The following VPS13A variants were observed in gnomAD, a reference collection of about 807,000 sequenced individuals.
The protein encoded by VPS13A is intermembrane lipid transfer protein VPS13A.
Under a neutral mutation model 390.9 loss-of-function variants are expected in VPS13A, and 264 were observed. The observed-to-expected ratio is 0.68, with a 90% CI of 0.61 to 0.75. VPS13A has a LOEUF of 0.75. Ranked by LOEUF, VPS13A falls within the 30% of genes least tolerant of loss-of-function variation. VPS13A has a pLI of 0.00. For missense variants in VPS13A, 3,409 were observed against 3,733.9 expected (o/e 0.91, Z 2.27); for synonymous variants, 1,231 against 1,227.1 (o/e 1.00, Z -0.07).
intron 27 of VPS13A, 36 bp downstream of exon 27, chr9:77,280,274 A>T (rs758777233): frequency 6.6e-7 from 1 of 1,504,662 alleles, no homozygotes; most frequent in Admixed American, 1.7e-5. Context: ...TAATATGGTA[A>T]GTATGCTGCT....
intron 46 of VPS13A, among the ~76,000 whole-genome samples, chr9:77,335,791 G>A (rs879804045): frequency 6.6e-6 from 1 of 152,202 alleles, no homozygotes; most frequent in East Asian, 1.9e-4. Flanking sequence ...GGAAGACAAT[G>A]TGGTGATTCC....
At chr9:77,339,390 C>T in intron 47 of VPS13A, 126 bp from the exon 48 acceptor site, 1 of 872,012 alleles carries the variant, frequency 1.1e-6, no homozygotes, top group Non-Finnish European at 1.7e-6. Flanking sequence ...TGTAAGTCTT[C>T]TGACTTGTTC....
In VPS13A at chr9:77,418,060, GAGTC is replaced by G. The variant is rs1835224121; in HGVS notation, c.*2058_*2061del. The G allele has an allele frequency of 3.3e-5, 5 of 152,308 alleles. No homozygotes were observed. The South Asian group carries it at 1.0e-3, about 32-fold the overall frequency. 9.4% of individuals were successfully genotyped at this position (152,308 alleles called of 1,614,324 possible). On this transcript the variant is annotated 3_prime_UTR_variant, in exon 72 of 72. Coordinates refer to ENST00000360280, the MANE Select transcript of VPS13A (RefSeq NM_033305.3). ...AGAAATCAGTAGATCACTAGATAAT[GAGTC>G]AGTGTTTTTAGCATCACATTTTACA...
At chr9:77,360,396 G>A in intron 58 of VPS13A, 140 bp from the exon 59 acceptor site, 1 of 634,508 alleles carries the variant, frequency 1.6e-6, no homozygotes, top group Non-Finnish European at 2.8e-6. Context: ...AGTGTTCCAT[G>A]ATTTTTTAAA....
At chr9:77,365,908 CTGAA>C (rs1832401458) in intron 60 of VPS13A, among the ~76,000 whole-genome samples, 1 of 152,030 alleles carries the variant, frequency 6.6e-6, no homozygotes, top group Non-Finnish European at 1.5e-5. Flanking sequence ...GAACTGAAGA[CTGAA>C]TGGTATCAAA....
At chr9:77,228,087 T>A in intron 16 of VPS13A, 35 bp from the exon 17 acceptor site, 1 of 1,437,692 alleles carries the variant, frequency 7.0e-7, no homozygotes, top group Non-Finnish European at 9.5e-7. Context: ...TATATATATA[T>A]ATGTTTTCAT....
At position 77,380,561 on chromosome 9, in the gene VPS13A, C is replaced by G. The variant is rs1473354204; in HGVS notation, c.9078-1415C>G. On this transcript the variant is annotated intron_variant, in intron 67 of 71. Coordinates refer to ENST00000360280, the MANE Select transcript of VPS13A (RefSeq NM_033305.3). ...TCCTGACCTCATGATCCGCCCGCCT[C>G]GGGCTCCCAAAGTGCTGGGATTACA... is the stretch of plus-strand genomic sequence containing the variant. Among the ~76,000 whole-genome samples the G allele has an allele frequency of 2.0e-5, 3 of 152,238 alleles. No homozygotes were observed. The South Asian group carries it at 6.2e-4, about 32-fold the overall frequency.
At chr9:77,345,229 A>G (rs772415074) in intron 52 of VPS13A, 87 bp downstream of exon 52, 239 of 1,360,238 alleles carry the variant, frequency 1.8e-4, no homozygotes, top group Non-Finnish European at 2.4e-4. Flanking sequence ...TTAAGAGTAT[A>G]AACACTGATA....
chr9:77,224,256 C>T (rs1489254240), intron 13 of VPS13A, among the ~76,000 whole-genome samples: 2 of 152,168 alleles, frequency 1.3e-5, no homozygotes, highest in African/African-American at 4.8e-5. Context: ...TTCTGCCACC[C>T]ATGGATTGAA....
At position 77,337,520 on chromosome 9, in the gene VPS13A, A is replaced by G; in HGVS notation, c.6361A>G (p.Ile2121Val). The G allele has an allele frequency of 2.5e-6, 4 of 1,612,712 alleles. No individual in the cohort carries two copies. The highest frequency in any genetic ancestry group is 3.4e-6 in the Non-Finnish European group (4 of 1,179,424). ...GCTCCGAAATCTTCTTCCTTACAAA[A>G]TTGCTTATTATATAGAGGTATCGGC... ...ILLRNLLPYK[I>V]AYYIEGIENS... Residue 2121 changes from isoleucine to valine, a missense_variant, in exon 47 of 72, where the codon ATT becomes GTT. Ile to Val is a conservative substitution (Grantham distance 29). Around this residue, in one of 5 missense-constraint regions of VPS13A, gnomAD observed 2,717 missense variants for 2,917.4 expected, o/e 0.93. Transcript: ENST00000360280.
intron 23 of VPS13A, among the ~76,000 whole-genome samples, chr9:77,264,705 T>C (rs565102954): frequency 6.6e-6 from 1 of 152,234 alleles, no homozygotes; most frequent in Admixed American, 6.5e-5. Flanking sequence ...GGCTGAGGCA[T>C]TGGGGTTTTC....
At chr9:77,376,046 T>G (rs746721435) in intron 67 of VPS13A, among the ~76,000 whole-genome samples, 1 of 152,160 alleles carries the variant, frequency 6.6e-6, no homozygotes, top group Non-Finnish European at 1.5e-5. Flanking sequence ...TATTCAGTGA[T>G]CAGGGATGCT....
At position 77,418,855 on chromosome 9, in the gene VPS13A, A is replaced by G. The variant is rs1835255136; in HGVS notation, c.*2849A>G. The G allele has an allele frequency of 6.6e-6, 1 of 152,204 alleles. No individual in the cohort carries two copies. The highest frequency in any genetic ancestry group is 2.1e-4 in the South Asian group (1 of 4,836). 9.4% of individuals were successfully genotyped at this position (152,204 alleles called of 1,614,324 possible). ...AGCTCATCTCTTAGAAACATCCCAC[A>G]TAGTAGCATCGTATTACTCTCTGGT... On this transcript the variant is annotated 3_prime_UTR_variant, in exon 72 of 72. Coordinates refer to ENST00000360280, the MANE Select transcript of VPS13A (RefSeq NM_033305.3).
At chr9:77,341,690 C>CTTTTTTTTTTTTTTTTTT (rs1830821898) in intron 50 of VPS13A, among the ~76,000 whole-genome samples, 1 of 23,562 alleles carries the variant, frequency 4.2e-5, no homozygotes, top group African/African-American at 1.9e-4. Flanking sequence ...GGACATCTTT[C>CTTTTTTTTTTTTTTTTTT]CTTTTTTTTT....
chr9:77,196,507 G>A (rs1450320490), intron 1 of VPS13A, among the ~76,000 whole-genome samples: 6 of 151,976 alleles, frequency 3.9e-5, no homozygotes, highest in Admixed American at 6.6e-5. Flanking sequence ...CCCAGCCTCT[G>A]GCAACCACTA....
chr9:77,281,855 C>A lies in VPS13A; in HGVS notation c.2905-12C>A. 6.3e-7 allele frequency: 1 copy of A among 1,588,618 alleles called. No individual in the cohort carries two copies. Among genetic ancestry groups the A allele is most frequent in the Non-Finnish European group, 8.6e-7 (1 of 1,158,198 alleles). On this transcript the variant is annotated splice_polypyrimidine_tract_variant and intron_variant, in intron 27 of 71. Transcript: ENST00000360280. ...TAACGTGTTCTAACAGATTTGTTTT[C>A]TCTTTGGATAGGCTGAAAAGAATGT...
chr9:77,377,441 G>C (rs909581384), intron 67 of VPS13A, among the ~76,000 whole-genome samples: 1 of 151,880 alleles, frequency 6.6e-6, no homozygotes, highest in Non-Finnish European at 1.5e-5. Flanking sequence ...GGATGGTCCC[G>C]ATCTCCTGAC....
intron 68 of VPS13A, chr9:77,382,512 A>T: frequency 7.9e-7 from 1 of 1,263,998 alleles, no homozygotes. Flanking sequence ...TTTGTACCTT[A>T]TGTATCCTCG....
chr9:77,410,586 G>A (rs1367956882), intron 71 of VPS13A, among the ~76,000 whole-genome samples: 3 of 152,142 alleles, frequency 2.0e-5, no homozygotes, highest in Admixed American at 6.5e-5. Flanking sequence ...TCAAAATAAA[G>A]GGATGGAGGA....
Sources: allele counts gnomAD v4.1 joint callset (sites outside exome capture counted in the v4.1 genomes callset), GRCh38; gene constraint gnomAD v4.1.1; regional missense constraint gnomAD v4.1.1; transcripts MANE v1.5; gene names NCBI Gene and HGNC (gene_info 2026-07-23, HGNC 2026-07-21).